Variants in RBFOX1 observed in about 807,000 individuals in gnomAD.
The protein encoded by RBFOX1 is RNA binding fox-1 homolog 1.
In RBFOX1, 8 loss-of-function variants were observed where a neutral mutation model predicts 57.7. The ratio of observed to expected loss-of-function variants is 0.14; its 90% CI spans 0.08 to 0.25. The LOEUF (loss-of-function observed/expected upper bound fraction) is 0.25, where lower values mean the gene tolerates loss of function less well. RBFOX1 is among the 10% of genes least tolerant of loss of function. The probability of loss-of-function intolerance (pLI) is 1.00; values close to 1 mark genes in which losing one functional copy is unlikely to be tolerated. For missense variants in RBFOX1, 611 were observed against 548.5 expected, an observed-to-expected ratio of 1.11 and a Z score of -1.14; for synonymous variants, 326 against 222.4, an observed-to-expected ratio of 1.47 and a Z score of -4.15.
chr16:7,443,146 GT>G (rs2098782279), intron 4 of RBFOX1, among the ~76,000 whole-genome samples: 1 of 152,176 alleles, frequency 6.6e-6, no homozygotes, highest in Non-Finnish European at 1.5e-5. Flanking sequence ...TGTTTCTAAT[GT>G]TTCTAACACC....
intron 2 of RBFOX1, among the ~76,000 whole-genome samples, chr16:5,516,073 C>T (rs150998785): frequency 4.6e-5 from 7 of 152,256 alleles, no homozygotes; most frequent in African/African-American, 7.2e-5. Flanking sequence ...TGAATATTCC[C>T]GCTTCTGGCT....
At chr16:6,317,217 G>C (rs377601569) in intron 2 of RBFOX1, among the ~76,000 whole-genome samples, 160 bp downstream of exon 2, 1 of 152,278 alleles carries the variant, frequency 6.6e-6, no homozygotes, top group East Asian at 1.9e-4. Flanking sequence ...GAGATGAGAA[G>C]AGGGCCTGCA....
intron 1 of RBFOX1, among the ~76,000 whole-genome samples, chr16:6,118,964 C>G (rs577681872): frequency 6.6e-6 from 1 of 151,610 alleles, no homozygotes; most frequent in Non-Finnish European, 1.5e-5. Flanking sequence ...AACATTCAGA[C>G]CATTTTACCT....
intron 1 of RBFOX1, among the ~76,000 whole-genome samples, chr16:5,413,298 T>TA (rs1370937985): frequency 2.6e-5 from 4 of 152,200 alleles, no homozygotes; most frequent in Admixed American, 6.5e-5. Context: ...GAGAGCACCA[T>TA]GGCCCTTTTT....
At chr16:5,747,207 A>G (rs1363368191) in intron 3 of RBFOX1, among the ~76,000 whole-genome samples, 1 of 152,132 alleles carries the variant, frequency 6.6e-6, no homozygotes. Context: ...CATATGTTGA[A>G]CCAGCCTTGC....
At chr16:7,640,077 T>A (rs1432546698) in intron 11 of RBFOX1, among the ~76,000 whole-genome samples, 3 of 152,234 alleles carry the variant, frequency 2.0e-5, no homozygotes, top group Non-Finnish European at 4.4e-5. Context: ...AGCTCTGATA[T>A]TAACTTAGTT....
chr16:6,490,538 G>A (rs921493195), intron 2 of RBFOX1, among the ~76,000 whole-genome samples: 1 of 152,168 alleles, frequency 6.6e-6, no homozygotes, highest in African/African-American at 2.4e-5. Context: ...TAAGTGTTAG[G>A]CATAGGTATC....
chr16:5,604,845 C>T (rs932347423), downstream of RBFOX1, among the ~76,000 whole-genome samples: 5 of 152,162 alleles, frequency 3.3e-5, no homozygotes, highest in African/African-American at 4.8e-5. Flanking sequence ...TTCCTTATCC[C>T]CTAGTCATCT....
intron 2 of RBFOX1, among the ~76,000 whole-genome samples, chr16:5,496,012 G>C (rs1452007656): frequency 6.6e-6 from 1 of 152,158 alleles, no homozygotes; most frequent in Non-Finnish European, 1.5e-5. Context: ...TGTAATCCCA[G>C]CTACTCGGGA....
intron 4 of RBFOX1, among the ~76,000 whole-genome samples, chr16:5,872,571 C>T (rs983314166): frequency 6.6e-6 from 1 of 151,284 alleles, no homozygotes; most frequent in Non-Finnish European, 1.5e-5. Flanking sequence ...CGAATCTCTA[C>T]AGAAAGAAAA....
chr16:6,052,451 C>T (rs191137204), intron 1 of RBFOX1, among the ~76,000 whole-genome samples: 7 of 152,272 alleles, frequency 4.6e-5, no homozygotes, highest in African/African-American at 9.6e-5. Context: ...AACCTCTATA[C>T]GCCTTGGTAT....
At chr16:6,821,215 C>G (rs1313423827) in intron 3 of RBFOX1, among the ~76,000 whole-genome samples, 2 of 152,294 alleles carry the variant, frequency 1.3e-5, no homozygotes, top group East Asian at 1.9e-4. Flanking sequence ...CAGTCATGGC[C>G]TCTACCCTTG....
At chr16:7,512,740 C>T (rs9925717) in intron 4 of RBFOX1, among the ~76,000 whole-genome samples, 140,933 of 152,304 alleles carry the variant, frequency 0.93, 65,664 homozygotes, top group Non-Finnish European at 0.99. Context: ...TGCCTTTCCT[C>T]GGATAGCCTC....
chr16:5,426,719 A>T (rs1048789623), intron 1 of RBFOX1, among the ~76,000 whole-genome samples: 7 of 152,172 alleles, frequency 4.6e-5, no homozygotes, highest in African/African-American at 1.7e-4. Context: ...TTATCGCTCC[A>T]GGGAAGAGGG....
At chr16:6,759,894 A>G (rs548572506) in intron 3 of RBFOX1, among the ~76,000 whole-genome samples, 2 of 152,350 alleles carry the variant, frequency 1.3e-5, no homozygotes, top group African/African-American at 4.8e-5. Flanking sequence ...CAAGTATGGT[A>G]TAAGGCTACA....
At chr16:6,304,700 T>C (rs1055390757) in intron 1 of RBFOX1, among the ~76,000 whole-genome samples, 2 of 151,830 alleles carry the variant, frequency 1.3e-5, no homozygotes, top group Non-Finnish European at 2.9e-5. Context: ...CTGGCCAACA[T>C]GGTGAAACCC....
chr16:5,666,293 C>T (rs1370796990), intron 3 of RBFOX1, among the ~76,000 whole-genome samples: 1 of 152,214 alleles, frequency 6.6e-6, no homozygotes, highest in African/African-American at 2.4e-5. Flanking sequence ...TTTCTGTGAC[C>T]TTCTTCTTTT....
At chr16:5,543,461 C>T (rs552800697) in intron 2 of RBFOX1, among the ~76,000 whole-genome samples, 58 of 152,114 alleles carry the variant, frequency 3.8e-4, no homozygotes, top group African/African-American at 1.4e-3. Context: ...AACATGATGA[C>T]ATAGCAACAG....
chr16:6,129,591 T>A (rs2096614806), intron 1 of RBFOX1, among the ~76,000 whole-genome samples: 1 of 149,632 alleles, frequency 6.7e-6, no homozygotes, highest in South Asian at 2.1e-4. Context: ...AGAGAGAGAA[T>A]AGGATAGAAA....
Sources: gnomAD v4.1 joint callset for allele counts (sites outside exome capture counted in the v4.1 genomes callset) on GRCh38, gnomAD v4.1.1 for gene constraint, MANE v1.5 for transcripts, NCBI Gene and HGNC (gene_info 2026-07-23, HGNC 2026-07-21) for gene names.